The following RPS6KC1 variants were observed in gnomAD, a reference collection of about 807,000 sequenced individuals.
The protein encoded by RPS6KC1 is inactive ribosomal protein S6 kinase delta-1.
RPS6KC1 carries 54 observed loss-of-function variants against 103.8 expected under a neutral mutation model. The ratio of observed to expected loss-of-function variants is 0.52; its 90% CI spans 0.42 to 0.65. RPS6KC1 has a LOEUF of 0.65. RPS6KC1 is among the 30% of genes least tolerant of loss of function. The probability of loss-of-function intolerance (pLI) is 0.00; values close to 1 mark genes in which losing one functional copy is unlikely to be tolerated. For synonymous variants in RPS6KC1, 439 were observed against 438.7 expected (o/e 1.00, Z -0.01); for missense variants, 1,151 against 1,253.8 (o/e 0.92, Z 1.24).
the RPS6KC1 span, among the ~76,000 whole-genome samples, chr1:213,297,686 T>A: frequency 6.6e-6 from 1 of 152,140 alleles, no homozygotes; most frequent in African/African-American, 2.4e-5. Flanking sequence ...TGGAATGTAG[T>A]GGTAACCTCA....
intron 8 of RPS6KC1, among the ~76,000 whole-genome samples, chr1:213,203,604 T>C (rs1309115837): frequency 6.6e-6 from 1 of 152,190 alleles, no homozygotes; most frequent in Non-Finnish European, 1.5e-5. Flanking sequence ...TGTAAACTTT[T>C]GTCTTGAATA....
chr1:213,128,356 CTTTAT>C (rs1282452637), intron 5 of RPS6KC1, among the ~76,000 whole-genome samples: 1 of 152,042 alleles, frequency 6.6e-6, no homozygotes, highest in Admixed American at 6.6e-5. Context: ...GGCTTTAATG[CTTTAT>C]TTTATACATT....
At chr1:213,646,579 C>G in the RPS6KC1 span, among the ~76,000 whole-genome samples, 3 of 152,076 alleles carry the variant, frequency 2.0e-5, no homozygotes, top group African/African-American at 4.8e-5. Context: ...AGAAATTGCA[C>G]TCTACACTTG....
In RPS6KC1 at chr1:213,232,239, G is replaced by C; in HGVS notation, c.1209G>C (p.Val403=). The C allele has an allele frequency of 6.2e-7, 1 of 1,613,960 alleles. No individual in the cohort carries two copies. Among genetic ancestry groups the C allele is most frequent in the Non-Finnish European group, 8.5e-7 (1 of 1,179,848 alleles). Residue 403 remains valine (V), a synonymous_variant, in exon 10 of 15, where the codon GTG becomes GTC. Transcript: ENST00000366960. ...YIISEESVFL[V]LQHAEGGKLW... ...TCTCTGAGGAGTCAGTATTTCTTGT[G>C]CTGCAGCATGCGGAAGGTTGGTTTG...
chr1:213,242,788 C>A (rs2094385801), intron 12 of RPS6KC1, 130 bp downstream of exon 12: 1 of 724,926 alleles, frequency 1.4e-6, no homozygotes, highest in Non-Finnish European at 2.2e-6. Context: ...ATCTGTTTAA[C>A]CCTTCAAAAA....
downstream of RPS6KC1, among the ~76,000 whole-genome samples, chr1:213,275,765 A>T (rs2095111306): frequency 6.6e-6 from 1 of 152,178 alleles, no homozygotes; most frequent in African/African-American, 2.4e-5. Flanking sequence ...TGTAATATAC[A>T]ATATGTCGTT....
the RPS6KC1 span, among the ~76,000 whole-genome samples, chr1:213,600,798 AT>A: frequency 1.3e-5 from 2 of 152,218 alleles, no homozygotes; most frequent in Admixed American, 6.5e-5. Flanking sequence ...ACTTTCCTTG[AT>A]GCAATAGTCT....
the RPS6KC1 span, among the ~76,000 whole-genome samples, chr1:213,749,368 A>G: frequency 2.6e-5 from 4 of 152,134 alleles, no homozygotes; most frequent in African/African-American, 7.2e-5. Context: ...TAATCCATAG[A>G]AAGTGAAGAG....
chr1:213,853,029 TATTTTGCATCTGGA>T, the RPS6KC1 span, among the ~76,000 whole-genome samples: 1 of 152,166 alleles, frequency 6.6e-6, no homozygotes, highest in African/African-American at 2.4e-5. Context: ...ATCTTCACTC[TATTTTGCATCTGGA>T]TCATCCATCC....
At chr1:213,672,944 A>G in the RPS6KC1 span, among the ~76,000 whole-genome samples, 1 of 152,176 alleles carries the variant, frequency 6.6e-6, no homozygotes, top group African/African-American at 2.4e-5. Context: ...AAGTGCCTCC[A>G]GTTGTACCTT....
At chr1:213,582,689 G>A in the RPS6KC1 span, among the ~76,000 whole-genome samples, 1 of 152,204 alleles carries the variant, frequency 6.6e-6, no homozygotes, top group Non-Finnish European at 1.5e-5. Context: ...AGAGAAGGGA[G>A]CAGAGAAGTA....
chr1:213,329,830 A>AT, the RPS6KC1 span, among the ~76,000 whole-genome samples: 3 of 149,992 alleles, frequency 2.0e-5, no homozygotes, highest in Non-Finnish European at 4.4e-5. Flanking sequence ...TCACCGTTGG[A>AT]CCCCCCCAAC....
At chr1:213,179,271 T>C (rs1287363465) in intron 8 of RPS6KC1, among the ~76,000 whole-genome samples, 6 of 151,732 alleles carry the variant, frequency 4.0e-5, no homozygotes, top group African/African-American at 1.4e-4. Context: ...AGAAATTAGC[T>C]GGGCATTGCG....
chr1:213,740,036 G>T, the RPS6KC1 span, among the ~76,000 whole-genome samples: 6 of 151,938 alleles, frequency 3.9e-5, no homozygotes, highest in Non-Finnish European at 7.4e-5. Context: ...TAGAAATGAG[G>T]GTAATTAATA....
intron 8 of RPS6KC1, among the ~76,000 whole-genome samples, chr1:213,198,637 A>G (rs2093040769): frequency 6.6e-6 from 1 of 152,236 alleles, no homozygotes; most frequent in African/African-American, 2.4e-5. Context: ...TCAAAACTCA[A>G]ATGGGAAGAA....
the RPS6KC1 span, among the ~76,000 whole-genome samples, chr1:213,530,748 G>A: frequency 6.6e-6 from 1 of 152,180 alleles, no homozygotes; most frequent in Non-Finnish European, 1.5e-5. Flanking sequence ...AGATCTGCTT[G>A]CTTGTGGCTT....
At chr1:213,175,209 A>G (rs1024769333) in intron 7 of RPS6KC1, among the ~76,000 whole-genome samples, 5 of 152,184 alleles carry the variant, frequency 3.3e-5, no homozygotes, top group East Asian at 1.9e-4. Context: ...ACATTTTCCA[A>G]CTAACTAAAT....
chr1:213,080,482 G>C (rs192728829), intron 3 of RPS6KC1, among the ~76,000 whole-genome samples: 1 of 152,246 alleles, frequency 6.6e-6, no homozygotes, highest in African/African-American at 2.4e-5. Context: ...ATTTGTCAAA[G>C]GTGGTAATAT....
the RPS6KC1 span, among the ~76,000 whole-genome samples, chr1:213,537,313 C>CT: frequency 1.3e-5 from 2 of 152,234 alleles, no homozygotes; most frequent in Non-Finnish European, 2.9e-5. Context: ...CATTCTAAGG[C>CT]TATACTTAAG....
Sources: gnomAD v4.1 joint callset for allele counts (sites outside exome capture counted in the v4.1 genomes callset) on GRCh38, gnomAD v4.1.1 for gene constraint, MANE v1.5 for transcripts, NCBI Gene and HGNC (gene_info 2026-07-23, HGNC 2026-07-21) for gene names.